NBAS: variants seen among roughly 807,000 people sequenced by gnomAD.
The protein encoded by NBAS is NAG/BC035112 fusion.
Under a neutral mutation model 302.5 loss-of-function variants are expected in NBAS, and 219 were observed. The observed-to-expected ratio is 0.72, with a 90% CI of 0.65 to 0.81. The LOEUF is 0.81. Ranked by LOEUF, NBAS falls within the 30% of genes least tolerant of loss-of-function variation. The pLI, the probability that NBAS is intolerant of heterozygous loss-of-function variation, is 0.00. For synonymous variants in NBAS, 1,118 were observed against 1,021.6 expected, an observed-to-expected ratio of 1.09 and a Z score of -1.80; for missense variants, 2,932 against 2,841.6, an observed-to-expected ratio of 1.03 and a Z score of -0.72.
chr2:15,059,097 G>A, the NBAS span, among the ~76,000 whole-genome samples: 5 of 152,078 alleles, frequency 3.3e-5, no homozygotes, highest in Non-Finnish European at 7.4e-5. Context: ...CTGATCCCTG[G>A]TCCTTGCAAA....
At chr2:15,036,382 G>C in the NBAS span, among the ~76,000 whole-genome samples, 1 of 152,140 alleles carries the variant, frequency 6.6e-6, no homozygotes, top group Non-Finnish European at 1.5e-5. Flanking sequence ...TCCTTGAACT[G>C]GTCTCTTAAG....
chr2:15,475,696 T>TA lies in NBAS; in HGVS notation c.1331dup (p.Leu444PhefsTer6), dbSNP rs1448747571. On this transcript the variant is annotated frameshift_variant, in exon 14 of 52. Coordinates refer to ENST00000281513, the MANE Select transcript of NBAS (RefSeq NM_015909.4). LOFTEE classifies it high-confidence loss of function. Reference sequence around the variant, plus strand: ...CAGGAAAAAGCCTTACCTCCAAACTTAAAAATCCCCCATCATGGGTAGCAG... The same window carrying TA: ...CAGGAAAAAGCCTTACCTCCAAACTTAAAAAATCCCCCATCATGGGTAGCAG... 1 of 1,614,070 alleles carries TA rather than the reference T, an allele frequency of 6.2e-7. No homozygotes were observed. The highest frequency in any genetic ancestry group is 8.5e-7 in the Non-Finnish European group (1 of 1,179,944).
chr2:15,091,297 T>C, the NBAS span, among the ~76,000 whole-genome samples: 1 of 8,494 alleles, frequency 1.2e-4, no homozygotes, highest in African/African-American at 2.6e-4. Context: ...TCATACAGTT[T>C]GAACTGCATG....
chr2:15,238,348 C>T (rs1667700660), intron 45 of NBAS, 120 bp downstream of exon 45: 1 of 972,532 alleles, frequency 1.0e-6, no homozygotes, highest in African/African-American at 1.6e-5. Context: ...GGCTTGCGGA[C>T]AATTTTCAAG....
At chr2:15,383,648 C>A (rs1417457458) in intron 28 of NBAS, among the ~76,000 whole-genome samples, 1 of 152,066 alleles carries the variant, frequency 6.6e-6, no homozygotes, top group African/African-American at 2.4e-5. Context: ...TAAAATGAAC[C>A]ACTGCAAGAT....
intron 31 of NBAS, among the ~76,000 whole-genome samples, chr2:15,374,109 A>C (rs1674616462): frequency 6.6e-6 from 1 of 152,218 alleles, no homozygotes; most frequent in Non-Finnish European, 1.5e-5. Flanking sequence ...TAATATTAAG[A>C]TATCTCTAGT....
intron 50 of NBAS, among the ~76,000 whole-genome samples, chr2:15,184,403 A>G (rs770424434): frequency 1.3e-4 from 20 of 152,098 alleles, no homozygotes; most frequent in Non-Finnish European, 2.5e-4. Flanking sequence ...ACTCACCATA[A>G]TATAGAATCA....
downstream of NBAS, among the ~76,000 whole-genome samples, chr2:15,162,753 C>T (rs1663927118): frequency 6.6e-6 from 1 of 152,144 alleles, no homozygotes; most frequent in Non-Finnish European, 1.5e-5. Flanking sequence ...TCTGGAACAC[C>T]CATTAGTTCA....
the NBAS span, among the ~76,000 whole-genome samples, chr2:14,997,614 CCTT>C: frequency 6.6e-6 from 1 of 152,082 alleles, no homozygotes; most frequent in Non-Finnish European, 1.5e-5. Flanking sequence ...CACATAAATA[CCTT>C]TTTTTGGTGG....
chr2:15,233,651 T>G (rs1409151945), intron 46 of NBAS, among the ~76,000 whole-genome samples: 1 of 152,180 alleles, frequency 6.6e-6, no homozygotes, highest in Non-Finnish European at 1.5e-5. Context: ...AAACAAAGCT[T>G]TATTAATTTG....
the NBAS span, among the ~76,000 whole-genome samples, chr2:15,152,359 A>T: frequency 6.6e-6 from 1 of 152,242 alleles, no homozygotes; most frequent in African/African-American, 2.4e-5. Flanking sequence ...GGGAATTGTT[A>T]AATTAAATGA....
chr2:15,055,698 G>A, the NBAS span, among the ~76,000 whole-genome samples: 1 of 152,160 alleles, frequency 6.6e-6, no homozygotes, highest in African/African-American at 2.4e-5. Context: ...AAGGATGGGA[G>A]GTTGTTTACA....
intron 25 of NBAS, among the ~76,000 whole-genome samples, chr2:15,404,625 G>A (rs1349538074): frequency 6.6e-6 from 1 of 151,542 alleles, no homozygotes; most frequent in African/African-American, 2.4e-5. Flanking sequence ...CGATTCTCCT[G>A]CCTCGGCGTC....
chr2:14,956,991 T>TC, the NBAS span, among the ~76,000 whole-genome samples: 2 of 152,178 alleles, frequency 1.3e-5, no homozygotes, highest in African/African-American at 4.8e-5. Context: ...GGGTAGTCCC[T>TC]CATCCAACAT....
the NBAS span, among the ~76,000 whole-genome samples, chr2:14,968,055 C>T: frequency 6.6e-6 from 1 of 152,146 alleles, no homozygotes; most frequent in South Asian, 2.1e-4. Context: ...CCTACTCTCT[C>T]GGGCCATTCT....
chr2:15,104,170 C>T, the NBAS span, among the ~76,000 whole-genome samples: 2 of 152,104 alleles, frequency 1.3e-5, no homozygotes, highest in African/African-American at 4.8e-5. Context: ...TGGGAGTTCC[C>T]CTGCACAAGG....
Position 15,424,025 on chromosome 2 carries a change from T to C in NBAS, c.2577+290A>G, listed in dbSNP as rs1050038993. ...TATGTAGACACGATCTTTTAAATTA[T>C]ATGGTGTTAAGCCTACGAAAAATAT... On this transcript the variant is annotated intron_variant, in intron 23 of 51. Transcript: ENST00000281513. Among the ~76,000 whole-genome samples the C allele has an allele frequency of 5.3e-5, 8 of 152,224 alleles. No individual in the cohort carries two copies. The highest frequency in any genetic ancestry group is 8.8e-5 in the Non-Finnish European group (6 of 68,044).
the NBAS span, among the ~76,000 whole-genome samples, chr2:15,102,978 AG>A: frequency 5.2e-4 from 1 of 1,916 alleles, no homozygotes; most frequent in Non-Finnish European, 1.3e-3. Flanking sequence ...GGCATTAAGG[AG>A]GAAGGAAGGA....
At chr2:15,163,504 G>C (rs1055769685), downstream of NBAS, among the ~76,000 whole-genome samples, 1 of 152,136 alleles carries the variant, frequency 6.6e-6, no homozygotes, top group African/African-American at 2.4e-5. Flanking sequence ...TCAGGGACTC[G>C]GGCTTCAATC....
Sources: gnomAD v4.1 joint callset for allele counts (sites outside exome capture counted in the v4.1 genomes callset) on GRCh38, gnomAD v4.1.1 for gene constraint, MANE v1.5 for transcripts, NCBI Gene and HGNC (gene_info 2026-07-23, HGNC 2026-07-21) for gene names.